The following LRP8 variants were observed in gnomAD, a reference collection of about 807,000 sequenced individuals.
The protein encoded by LRP8 is LDL receptor related protein 8.
LRP8 carries 46 observed loss-of-function variants against 111.6 expected under a neutral mutation model. The observed-to-expected ratio is 0.41, with a 90% CI of 0.33 to 0.53. The LOEUF (loss-of-function observed/expected upper bound fraction) is 0.53, where lower values mean the gene tolerates loss of function less well. Ranked by LOEUF, LRP8 falls within the 20% of genes least tolerant of loss-of-function variation. The probability of loss-of-function intolerance (pLI) is 0.20; values close to 1 mark genes in which losing one functional copy is unlikely to be tolerated. For synonymous variants in LRP8, 464 were observed against 511.2 expected (o/e 0.91, Z 1.24); for missense variants, 959 against 1,297.4 (o/e 0.74, Z 4.01).
Position 53,260,468 on chromosome 1 carries a change from T to C in LRP8, c.2052A>G (p.Pro684=). 1 of 1,614,072 alleles carries C rather than the reference T, an allele frequency of 6.2e-7. No homozygotes were observed. Among genetic ancestry groups the C allele is most frequent in the Non-Finnish European group, 8.5e-7 (1 of 1,180,010 alleles). The change falls in exon 13 of 19, where the codon CCA becomes CCG. Residue 684 remains proline (P), a synonymous_variant. Transcript: ENST00000306052. The part of the protein sequence containing the change: ...DIVIFHELKQ[P]RAPDACELSV... ...CTAGGACCAGAGACAGCTCACCTCTTGGCTGCTTCAGCTCATGGAAGATGA... is the reference window on the plus strand; with the variant it reads ...CTAGGACCAGAGACAGCTCACCTCTCGGCTGCTTCAGCTCATGGAAGATGA...
chr1:53,266,446 C>G lies in LRP8; in HGVS notation c.1427+27G>C. ...CACCCCTCACCCCCACTCTTCATGCCTTGCTGCAGAGGATATGGCCGCTCA... is the reference window on the plus strand; with the variant it reads ...CACCCCTCACCCCCACTCTTCATGCGTTGCTGCAGAGGATATGGCCGCTCA... On this transcript the variant is annotated intron_variant, in intron 9 of 18. Coordinates refer to ENST00000306052, the MANE Select transcript of LRP8 (RefSeq NM_004631.5). The surrounding 1 kb of genome is among the most constrained non-coding windows in gnomAD (Gnocchi z 5.0). 6.2e-7 allele frequency: 1 copy of G among 1,609,410 alleles called. No homozygotes were observed. The highest frequency in any genetic ancestry group is 8.5e-7 in the Non-Finnish European group (1 of 1,176,222).
chr1:53,246,229 A>G lies in LRP8; in HGVS notation c.*789T>C, dbSNP rs765262042. The G allele has an allele frequency of 6.6e-6, 1 of 152,198 alleles. No homozygotes were observed. The highest frequency in any genetic ancestry group is 1.5e-5 in the Non-Finnish European group (1 of 68,046). 9.4% of individuals were successfully genotyped at this position (152,198 alleles called of 1,614,324 possible). A position where few individuals can be genotyped will look rare whatever the true frequency, so the allele number is the denominator to read the frequency against. Reference sequence around the variant, plus strand: ...TGAAAAGATTTGCCTTTTTTACTACATAATTGCACAAACCATGGTATCTAT... The same window carrying G: ...TGAAAAGATTTGCCTTTTTTACTACGTAATTGCACAAACCATGGTATCTAT... On this transcript the variant is annotated 3_prime_UTR_variant, in exon 19 of 19. Transcript: ENST00000306052.
intron 8 of LRP8, among the ~76,000 whole-genome samples, chr1:53,270,099 T>C (rs1646715061): frequency 2.6e-5 from 4 of 152,148 alleles, no homozygotes; most frequent in Admixed American, 2.6e-4. Context: ...TAGTGTGCAG[T>C]GCGTTGTGTG....
chr1:53,276,671 G>A, intron 5 of LRP8, 21 bp downstream of exon 5: 2 of 1,521,316 alleles, frequency 1.3e-6, no homozygotes, highest in Non-Finnish European at 1.8e-6. Flanking sequence ...GGCGGGGCTG[G>A]GCGGTATGGA....
At chr1:53,286,870 A>G (rs1647638160) in intron 3 of LRP8, among the ~76,000 whole-genome samples, 1 of 152,246 alleles carries the variant, frequency 6.6e-6, no homozygotes, top group African/African-American at 2.4e-5. Flanking sequence ...AATAATACAA[A>G]TAACACTGCC....
At chr1:53,309,029 C>CT (rs1652518318) in intron 2 of LRP8, among the ~76,000 whole-genome samples, 1 of 152,206 alleles carries the variant, frequency 6.6e-6, no homozygotes, top group African/African-American at 2.4e-5. Context: ...AATCCCAGCA[C>CT]TTTGGGAGGC....
intron 2 of LRP8, among the ~76,000 whole-genome samples, chr1:53,309,165 C>T (rs970725802): frequency 3.3e-5 from 5 of 152,174 alleles, no homozygotes; most frequent in Admixed American, 6.5e-5. Flanking sequence ...ATGCCAGCTA[C>T]TTGGGAGTCT....
intron 2 of LRP8, among the ~76,000 whole-genome samples, chr1:53,299,033 T>C (rs1460065061): frequency 6.6e-6 from 1 of 152,226 alleles, no homozygotes; most frequent in East Asian, 1.9e-4. Context: ...AGCAGAACTC[T>C]GCAGCCAGGG....
rs1032598452 is a variant in LRP8, at chr1:53,293,758, A to G, written c.245-4069T>C. Among the ~76,000 whole-genome samples the G allele has an allele frequency of 3.3e-5, 5 of 152,206 alleles. No individual in the cohort carries two copies. Among genetic ancestry groups the G allele is most frequent in the African/African-American group, 1.2e-4 (5 of 41,462 alleles). On this transcript the variant is annotated intron_variant, in intron 2 of 18. Coordinates refer to ENST00000306052, the MANE Select transcript of LRP8 (RefSeq NM_004631.5). The surrounding 1 kb of genome is among the most constrained non-coding windows in gnomAD (Gnocchi z 4.9). ...GGACAGCACTTTCAGGGTGGGGACT[A>G]GACTAAAGCACGCTGGAGGGCCCCA...
At chr1:53,290,410 G>A (rs1648488658) in intron 2 of LRP8, among the ~76,000 whole-genome samples, 1 of 152,162 alleles carries the variant, frequency 6.6e-6, no homozygotes, top group South Asian at 2.1e-4. Flanking sequence ...GTGAGGAGGA[G>A]CAACAAGAAG....
intron 14 of LRP8, among the ~76,000 whole-genome samples, chr1:53,257,824 T>C (rs1646159370): frequency 6.6e-6 from 1 of 152,212 alleles, no homozygotes; most frequent in Non-Finnish European, 1.5e-5. Context: ...CTGTAAATCA[T>C]TAATAATGCA....
intron 2 of LRP8, among the ~76,000 whole-genome samples, chr1:53,295,406 T>C (rs1649514374): frequency 6.6e-6 from 1 of 152,132 alleles, no homozygotes; most frequent in African/African-American, 2.4e-5. Context: ...GTTCACCAAG[T>C]TGTGCACAAA....
chr1:53,258,054 C>T (rs1293369373), intron 14 of LRP8: 8 of 281,892 alleles, frequency 2.8e-5, no homozygotes, highest in African/African-American at 8.8e-5. Context: ...GTTTTTAAAG[C>T]GTTCCAGAAA....
At chr1:53,255,271 C>A in intron 15 of LRP8, 86 bp from the exon 16 acceptor site, 1 of 1,073,506 alleles carries the variant, frequency 9.3e-7, no homozygotes, top group East Asian at 2.4e-5. Flanking sequence ...AACTACCCAA[C>A]TGCTGCTCAT....
intron 2 of LRP8, among the ~76,000 whole-genome samples, chr1:53,319,636 T>A (rs1212571465): frequency 6.6e-6 from 1 of 152,118 alleles, no homozygotes; most frequent in Admixed American, 6.5e-5. Flanking sequence ...CGGTCAAGAC[T>A]GAGCAGGATT....
At chr1:53,302,880 G>A (rs1330028204) in intron 2 of LRP8, among the ~76,000 whole-genome samples, 1 of 69,832 alleles carries the variant, frequency 1.4e-5, no homozygotes. Flanking sequence ...TTGGATTTTT[G>A]TTGTAGAGAC....
chr1:53,294,395 A>G lies in LRP8; in HGVS notation c.245-4706T>C, dbSNP rs2100475994. Among the ~76,000 whole-genome samples, 1 of 152,278 alleles carries G rather than the reference A, an allele frequency of 6.6e-6. No individual in the cohort carries two copies. The highest frequency in any genetic ancestry group is 2.1e-4 in the South Asian group (1 of 4,820). On this transcript the variant is annotated intron_variant, in intron 2 of 18. Transcript: ENST00000306052. The surrounding 1 kb of genome is among the most constrained non-coding windows in gnomAD (Gnocchi z 4.1). ...GTGGGAAATGCTATTTATAACAAGA[A>G]CACGGGCCAAGGAAAGTGCCAGACA...
Position 53,275,755 on chromosome 1 carries a change from T to C in LRP8, c.884-2A>G. ...CGTCCCCACGGCAGGTGCCCAGTGC[T>C]GCCAGGAGAGGGCAAGGGGAGAGGA... On this transcript the variant is annotated splice_acceptor_variant, in intron 5 of 18. Transcript: ENST00000306052. LOFTEE classifies it high-confidence loss of function. This position sits in a 1 kb window ranked among gnomAD's most constrained non-coding sequence, Gnocchi z 4.4. 1 of 1,613,850 alleles carries C rather than the reference T, an allele frequency of 6.2e-7. No individual in the cohort carries two copies. Among genetic ancestry groups the C allele is most frequent in the South Asian group, 1.1e-5 (1 of 91,068 alleles).
At position 53,264,349 on chromosome 1, in the gene LRP8, A is replaced by G. The variant is rs200274677; in HGVS notation, c.1475T>C (p.Ile492Thr). Residue 492 changes from isoleucine (I) to threonine (T), a missense_variant, in exon 10 of 19, where the codon ATT (isoleucine) becomes ACT (threonine). By Grantham distance (89) the Ile-to-Thr change is moderately conservative. Transcript: ENST00000306052. ...CTCTGGAGAGTGCAACTGCTCGTCAATGAGGACCTCCTGCTCTTTCGGGTC... is the reference window on the plus strand; with the variant it reads ...CTCTGGAGAGTGCAACTGCTCGTCAGTGAGGACCTCCTGCTCTTTCGGGTC... The part of the protein sequence containing the change: ...ASDPKEQEVL[I>T]DEQLHSPEGL... The G allele has an allele frequency of 1.2e-5, 20 of 1,614,124 alleles. No individual in the cohort carries two copies. The highest frequency in any genetic ancestry group is 6.7e-5 in the African/African-American group (5 of 75,056).
Sources: gnomAD v4.1 joint callset for allele counts (sites outside exome capture counted in the v4.1 genomes callset) on GRCh38, gnomAD v4.1.1 for gene constraint, Gnocchi (gnomAD v3.1) non-coding constraint, MANE v1.5 for transcripts, NCBI Gene and HGNC (gene_info 2026-07-23, HGNC 2026-07-21) for gene names.